The following TMEM25 variants were observed in gnomAD, a reference collection of about 807,000 sequenced individuals.
TMEM25 encodes 0610039J01Rik.
TMEM25 carries 36 observed loss-of-function variants against 37.0 expected under a neutral mutation model. That is an observed-to-expected ratio of 0.97 (90% CI 0.75 to 1.28). TMEM25 has a LOEUF of 1.28. Ranked by LOEUF, TMEM25 falls within the 50% of genes most tolerant of loss-of-function variation. The probability of loss-of-function intolerance (pLI) is 0.00; values close to 1 mark genes in which losing one functional copy is unlikely to be tolerated. For synonymous variants in TMEM25, 197 were observed against 203.7 expected (o/e 0.97, Z 0.28); for missense variants, 444 against 477.9 (o/e 0.93, Z 0.66).
In TMEM25 at chr11:118,533,084, G is replaced by A. The variant is rs1028246283; in HGVS notation, c.550G>A (p.Ala184Thr). The change falls in exon 4 of 9, where the codon GCG becomes ACG. Residue 184 changes from alanine to threonine, a missense_variant. By Grantham distance (58) the Ala-to-Thr change is moderately conservative. Coordinates refer to ENST00000313236, the MANE Select transcript of TMEM25 (RefSeq NM_032780.4). ...CACCTCTGACTTCCTGGTGCTGGAT[G>A]CGCAGAACTACCCCTGGCTCACCAA... ...VNTSDFLVLD[A>T]QNYPWLTNHT... The A allele has an allele frequency of 4.3e-6, 7 of 1,614,028 alleles. No individual in the cohort carries two copies. The highest frequency in any genetic ancestry group is 5.9e-6 in the Non-Finnish European group (7 of 1,180,026).
At position 118,535,648 on chromosome 11, in the gene TMEM25, G is replaced by A; in HGVS notation, c.*1068G>A. The A allele has an allele frequency of 6.6e-7, 1 of 1,518,840 alleles. No individual in the cohort carries two copies. The highest frequency in any genetic ancestry group is 8.8e-7 in the Non-Finnish European group (1 of 1,134,148). The allele number at this position is 1,518,840 out of a possible 1,614,324, so 94.1% of individuals were successfully genotyped here. On this transcript the variant is annotated 3_prime_UTR_variant, in exon 9 of 9. Coordinates refer to ENST00000313236, the MANE Select transcript of TMEM25 (RefSeq NM_032780.4). ...GCTTTAGGGGAACATGGAGAAAGAAGGAGACCACATACCCCAAAGTGACCT... is the reference window on the plus strand; with the variant it reads ...GCTTTAGGGGAACATGGAGAAAGAAAGAGACCACATACCCCAAAGTGACCT...
chr11:118,536,377 G>GT (rs1404814361), downstream of TMEM25, among the ~76,000 whole-genome samples: 1 of 151,828 alleles, frequency 6.6e-6, no homozygotes, highest in African/African-American at 2.4e-5. Context: ...ATTTTTAGTA[G>GT]AGATGGGGTT....
chr11:118,535,051 A>G lies in TMEM25; in HGVS notation c.*471A>G, dbSNP rs1555062551. 9.8e-7 allele frequency: 1 copy of G among 1,023,322 alleles called. No individual in the cohort carries two copies. The highest frequency in any genetic ancestry group is 9.3e-5 in the East Asian group (1 of 10,810). 63.4% of individuals were successfully genotyped at this position (1,023,322 alleles called of 1,614,324 possible). On this transcript the variant is annotated 3_prime_UTR_variant, in exon 9 of 9. Coordinates refer to ENST00000313236, the MANE Select transcript of TMEM25 (RefSeq NM_032780.4). ...CTATGTAGCCTTGTTCCCTCAGGTA[A>G]AATTTAGGACCCTGCTAGCTGTGCA... is the stretch of plus-strand genomic sequence containing the variant.
intron 4 of TMEM25, 55 bp downstream of exon 4, chr11:118,533,262 G>A (rs1036801545): frequency 6.4e-6 from 10 of 1,557,004 alleles, no homozygotes; most frequent in African/African-American, 1.4e-5. Flanking sequence ...CAGGGGTCCC[G>A]TCCCCATACA....
intron 4 of TMEM25, 87 bp from the exon 5 acceptor site, chr11:118,533,333 C>T (rs1555060757): frequency 6.3e-7 from 1 of 1,587,726 alleles, no homozygotes; most frequent in East Asian, 2.2e-5. Context: ...CCCAGCCACC[C>T]TGGGCAAGGA....
intron 3 of TMEM25, 152 bp downstream of exon 3, chr11:118,532,613 T>C: frequency 1.1e-6 from 1 of 933,132 alleles, no homozygotes; most frequent in East Asian, 2.7e-5. Flanking sequence ...CATGAGGTCA[T>C]TACTATTGTC....
At chr11:118,540,114 T>G (rs1205600611), downstream of TMEM25, among the ~76,000 whole-genome samples, 2 of 151,598 alleles carry the variant, frequency 1.3e-5, no homozygotes, top group Non-Finnish European at 2.9e-5. Flanking sequence ...ATCTTCTGGT[T>G]TTTGTTTTTG....
chr11:118,541,869 T>C (rs1300109528), intron 8 of TMEM25, among the ~76,000 whole-genome samples: 3 of 152,200 alleles, frequency 2.0e-5, no homozygotes, highest in Non-Finnish European at 4.4e-5. Flanking sequence ...TCGATCCTCC[T>C]ACCTCAGCCT....
At chr11:118,533,703 CAGG>C in intron 5 of TMEM25, 151 bp from the exon 6 acceptor site, 1 of 1,558,652 alleles carries the variant, frequency 6.4e-7, no homozygotes, top group Non-Finnish European at 8.8e-7. Context: ...TCCCAGGTAG[CAGG>C]GTCAAGCACT....
chr11:118,532,774 C>G, intron 3 of TMEM25, 143 bp from the exon 4 acceptor site: 1 of 1,215,418 alleles, frequency 8.2e-7, no homozygotes. Flanking sequence ...AATGCTGCCT[C>G]TCTGGCAGAC....
At chr11:118,541,191 C>T (rs569358162) in intron 8 of TMEM25, among the ~76,000 whole-genome samples, 91 of 152,066 alleles carry the variant, frequency 6.0e-4, no homozygotes, top group African/African-American at 2.1e-3. Context: ...GGCCAGGCGC[C>T]GTGGCTCATG....
At position 118,534,958 on chromosome 11, in the gene TMEM25, A is replaced by G. The variant is rs1425473616; in HGVS notation, c.*378A>G. ...CCCAGTACTCCACAGCACCTTGTAC[A>G]GTAGGCATGGGGGCGTGCCTGTGTG... On this transcript the variant is annotated 3_prime_UTR_variant, in exon 9 of 9. Transcript: ENST00000313236. The surrounding 1 kb of genome is among the most constrained non-coding windows in gnomAD (Gnocchi z 4.6). 2 of 1,090,122 alleles carry G rather than the reference A, an allele frequency of 1.8e-6. No homozygotes were observed. The highest frequency in any genetic ancestry group is 9.5e-5 in the Admixed American group (2 of 21,030). The allele number at this position is 1,090,122 out of a possible 1,614,324, so 67.5% of individuals were successfully genotyped here. A position where few individuals can be genotyped will look rare whatever the true frequency, so the allele number is the denominator to read the frequency against.
intron 8 of TMEM25, among the ~76,000 whole-genome samples, chr11:118,542,225 C>T (rs992527928): frequency 6.6e-6 from 1 of 152,166 alleles, no homozygotes; most frequent in Non-Finnish European, 1.5e-5. Flanking sequence ...CAGAGCATCA[C>T]ATGGCAAGGG....
At chr11:118,533,380 C>T (rs374316465) in intron 4 of TMEM25, 40 bp from the exon 5 acceptor site, 188 of 1,610,980 alleles carry the variant, frequency 1.2e-4, no homozygotes, top group Non-Finnish European at 1.6e-4. Context: ...GGGGCTGGGG[C>T]ACTACCCACT....
In TMEM25 at chr11:118,534,654, C is replaced by A; in HGVS notation, c.*74C>A. On this transcript the variant is annotated 3_prime_UTR_variant, in exon 9 of 9. Coordinates refer to ENST00000313236, the MANE Select transcript of TMEM25 (RefSeq NM_032780.4). This position sits in a 1 kb window ranked among gnomAD's most constrained non-coding sequence, Gnocchi z 4.6. ...TTCCTCCAAGGCATCCTCTACCTAG[C>A]TAGGTCACCAACGTGAAGAAGTTAT... is the stretch of plus-strand genomic sequence containing the variant. The A allele has an allele frequency of 6.3e-7, 1 of 1,584,160 alleles. No homozygotes were observed. Among genetic ancestry groups the A allele is most frequent in the South Asian group, 1.1e-5 (1 of 88,544 alleles).
At chr11:118,536,582 A>C (rs141722402), downstream of TMEM25, among the ~76,000 whole-genome samples, 361 of 152,338 alleles carry the variant, frequency 2.4e-3, no homozygotes, top group Non-Finnish European at 3.9e-3. Context: ...CTCTGACATT[A>C]CCAAATGTGC....
rs1204484426 is a variant in TMEM25, at chr11:118,545,684, G to A, written c.1028-435G>A. The A allele has an allele frequency of 6.2e-6, 8 of 1,297,632 alleles. No individual in the cohort carries two copies. The Admixed American group carries it at 6.8e-5, about 11-fold the overall frequency. 80.4% of individuals were successfully genotyped at this position (1,297,632 alleles called of 1,614,324 possible). A position where few individuals can be genotyped will look rare whatever the true frequency, so the allele number is the denominator to read the frequency against. On this transcript the variant is annotated intron_variant, in intron 8 of 8. Transcript: ENST00000354284. ...TGCCAAAGAGCACAACGGGCTTAAA[G>A]TGAAGGCTGAAACTCAAGATACTAT...
In TMEM25 at chr11:118,544,605, C is replaced by T. The variant is rs1351342988; in HGVS notation, c.1028-1514C>T. On this transcript the variant is annotated intron_variant, in intron 8 of 8. Transcript: ENST00000354284. ...TGAAAGAAAACAATTCCATCCCTCT[C>T]ACAAAAAGGACATCTTTTAAGCTTT... 6 of 301,124 alleles carry T rather than the reference C, an allele frequency of 2.0e-5. No individual in the cohort carries two copies. In the East Asian group the frequency reaches 3.9e-4, roughly 20 times the overall value. 18.7% of individuals were successfully genotyped at this position (301,124 alleles called of 1,614,324 possible).
Position 118,535,748 on chromosome 11 carries a change from ATCT to A in TMEM25, c.*1173_*1175del, listed in dbSNP as rs1951497982. The A allele has an allele frequency of 1.5e-6, 2 of 1,361,510 alleles. No individual in the cohort carries two copies. Among genetic ancestry groups the A allele is most frequent in the Non-Finnish European group, 1.9e-6 (2 of 1,059,680 alleles). The allele number at this position is 1,361,510 out of a possible 1,614,324, so 84.3% of individuals were successfully genotyped here. Reference sequence around the variant, plus strand: ...CAGAATATATTTTTCCCTTGTTGAGATCTTCTTTTGTAATGTTTTTCATGTTAC... The same window carrying A: ...CAGAATATATTTTTCCCTTGTTGAGATCTTTTGTAATGTTTTTCATGTTAC... On this transcript the variant is annotated 3_prime_UTR_variant, in exon 9 of 9. Transcript: ENST00000313236.
Sources: allele counts gnomAD v4.1 joint callset (sites outside exome capture counted in the v4.1 genomes callset), GRCh38; gene constraint gnomAD v4.1.1; non-coding constraint Gnocchi (gnomAD v3.1); transcripts MANE v1.5; gene names NCBI Gene and HGNC (gene_info 2026-07-23, HGNC 2026-07-21).